DGKD: variants seen among roughly 807,000 people sequenced by gnomAD.
The protein encoded by DGKD is DAG kinase delta.
DGKD carries 68 observed loss-of-function variants against 154.4 expected under a neutral mutation model. That is an observed-to-expected ratio of 0.44 (90% CI 0.36 to 0.54). The LOEUF (loss-of-function observed/expected upper bound fraction) is 0.54. Among genes scored for constraint, DGKD ranks in the 20% least tolerant of loss-of-function variants. DGKD has a pLI of 0.00. For synonymous variants in DGKD, 693 were observed against 638.0 expected, an observed-to-expected ratio of 1.09 and a Z score of -1.30; for missense variants, 1,343 against 1,593.6, an observed-to-expected ratio of 0.84 and a Z score of 2.68.
intron 3 of DGKD, chr2:233,392,389 A>G (rs1245671778): frequency 1.3e-5 from 2 of 152,184 alleles, no homozygotes; most frequent in Admixed American, 1.3e-4. Flanking sequence ...TAAAAAAATT[A>G]TTCTTGGTAA....
chr2:233,456,795 C>T, intron 19 of DGKD, 104 bp from the exon 20 acceptor site: 3 of 821,546 alleles, frequency 3.7e-6, no homozygotes, highest in South Asian at 1.6e-5. Context: ...CTAAATGTAG[C>T]TGATTTGTGG....
intron 18 of DGKD, 183 bp from the exon 19 acceptor site, chr2:233,454,580 A>G (rs925568969): frequency 2.6e-5 from 15 of 580,846 alleles, no homozygotes; most frequent in African/African-American, 9.4e-5. Flanking sequence ...TATACTAAAA[A>G]TAATTGAATT....
intron 3 of DGKD, among the ~76,000 whole-genome samples, chr2:233,425,846 C>T (rs964879382): frequency 4.6e-5 from 7 of 152,136 alleles, no homozygotes; most frequent in Admixed American, 1.3e-4. Context: ...TAGTGAATGC[C>T]GCCACAAATA....
intron 24 of DGKD, 30 bp downstream of exon 24, chr2:233,460,375 G>A: frequency 6.2e-7 from 1 of 1,611,642 alleles, no homozygotes; most frequent in Non-Finnish European, 8.5e-7. Context: ...CGTTGCGCAT[G>A]AGCCTCCCCC....
intron 1 of DGKD, among the ~76,000 whole-genome samples, chr2:233,358,668 G>A (rs1180480092): frequency 1.3e-5 from 2 of 152,142 alleles, no homozygotes; most frequent in South Asian, 4.1e-4. Context: ...TATGTGGTCT[G>A]GCTTCTTTAA....
intron 3 of DGKD, among the ~76,000 whole-genome samples, chr2:233,398,813 T>G (rs1305679895): frequency 1.3e-5 from 2 of 151,980 alleles, no homozygotes; most frequent in Admixed American, 6.5e-5. Context: ...TTAGTAGAGA[T>G]GGGTTTCACC....
chr2:233,383,843 A>G (rs953935822), intron 1 of DGKD, among the ~76,000 whole-genome samples: 1 of 152,134 alleles, frequency 6.6e-6, no homozygotes, highest in Non-Finnish European at 1.5e-5. Context: ...ATAAGCAGAT[A>G]TTTACTTACG....
chr2:233,393,373 G>A (rs1272557141), intron 3 of DGKD, among the ~76,000 whole-genome samples: 2 of 127,728 alleles, frequency 1.6e-5, no homozygotes, highest in African/African-American at 6.1e-5. Flanking sequence ...GTCTTGCTCT[G>A]TTGCCCAGGC....
chr2:233,428,550 A>C (rs1237121767), intron 3 of DGKD, among the ~76,000 whole-genome samples: 26 of 152,216 alleles, frequency 1.7e-4, no homozygotes, highest in Admixed American at 1.7e-3. Context: ...GGCACCTCAC[A>C]ACAACAAGGC....
chr2:233,370,203 G>A (rs1030357229), intron 1 of DGKD, among the ~76,000 whole-genome samples: 1 of 151,824 alleles, frequency 6.6e-6, no homozygotes, highest in Non-Finnish European at 1.5e-5. Flanking sequence ...GCCTATTCTG[G>A]ATATTTCATT....
chr2:233,438,592 G>A lies in DGKD; in HGVS notation c.1085+213G>A, dbSNP rs951528861. On this transcript the variant is annotated intron_variant, in intron 9 of 29. Transcript: ENST00000264057. This position sits in a 1 kb window ranked among gnomAD's most constrained non-coding sequence, Gnocchi z 4.1. ...GAACACAGTGCGCGTGTGCACACACGTACATACATCCATGTACACACACCC... is the reference window on the plus strand; with the variant it reads ...GAACACAGTGCGCGTGTGCACACACATACATACATCCATGTACACACACCC... 2.0e-5 allele frequency among the ~76,000 whole-genome samples: 3 copies of A among 152,142 alleles called. No individual in the cohort carries two copies. Among genetic ancestry groups the A allele is most frequent in the Admixed American group, 6.5e-5 (1 of 15,276 alleles).
At chr2:233,384,267 T>C (rs1040680370) in intron 1 of DGKD, among the ~76,000 whole-genome samples, 5 of 152,202 alleles carry the variant, frequency 3.3e-5, no homozygotes, top group African/African-American at 1.2e-4. Flanking sequence ...ACCTCGCTGC[T>C]GCATTGGACA....
Position 233,448,099 on chromosome 2 carries a change from C to G in DGKD, c.1432C>G (p.Leu478Val), listed in dbSNP as rs766836405. 5 of 1,614,106 alleles carry G rather than the reference C, an allele frequency of 3.1e-6. No homozygotes were observed. The highest frequency in any genetic ancestry group is 4.2e-6 in the Non-Finnish European group (5 of 1,180,020). Reference sequence around the variant, plus strand: ...GGGGTGATTGCAGGTACAGCAGATTCTCTTCTATGAAGACTCGGTTGCAGC... The same window carrying G: ...GGGGTGATTGCAGGTACAGCAGATTGTCTTCTATGAAGACTCGGTTGCAGC... ...FSEDSEVQQI[L>V]FYEDSVAAHL... Residue 478 changes from leucine to valine, a missense_variant, in exon 13 of 30, where the codon CTC becomes GTC. This residue lies in a region of DGKD where 409 missense variants were observed against 446.0 expected (regional missense o/e 0.92). Coordinates refer to ENST00000264057, the MANE Select transcript of DGKD (RefSeq NM_152879.3).
intron 1 of DGKD, among the ~76,000 whole-genome samples, chr2:233,357,677 C>G (rs939868058): frequency 6.6e-5 from 10 of 151,872 alleles, no homozygotes; most frequent in African/African-American, 2.4e-4. Flanking sequence ...GCTGGGACTA[C>G]AGGCAAATGC....
In DGKD at chr2:233,441,858, A is replaced by G. The variant is rs1333881253; in HGVS notation, c.1086-29A>G. On this transcript the variant is annotated intron_variant, in intron 9 of 29. Coordinates refer to ENST00000264057, the MANE Select transcript of DGKD (RefSeq NM_152879.3). The surrounding 1 kb of genome is among the most constrained non-coding windows in gnomAD (Gnocchi z 5.6). ...TCATTTGTCCTGTGGAATGGATGTC[A>G]TTTCACGGCCTTTCTCTTTTCTCTG... The G allele has an allele frequency of 6.3e-6, 10 of 1,593,890 alleles. No homozygotes were observed. In the African/African-American group the frequency reaches 1.2e-4, roughly 19 times the overall value.
intron 1 of DGKD, among the ~76,000 whole-genome samples, chr2:233,362,064 C>G (rs930298033): frequency 6.6e-6 from 1 of 152,178 alleles, no homozygotes; most frequent in South Asian, 2.1e-4. Flanking sequence ...TCCCAAAGTG[C>G]TGGGATTACA....
At position 233,450,143 on chromosome 2, in the gene DGKD, T is replaced by A. The variant is rs760697112; in HGVS notation, c.2038+12T>A. On this transcript the variant is annotated intron_variant, in intron 16 of 29. Coordinates refer to ENST00000264057, the MANE Select transcript of DGKD (RefSeq NM_152879.3). ...GAGCCAGCGCAAAGGTACTTGTGCC[T>A]CCACCTCCCTCTGCGCACCGTCGTG... 1.9e-6 allele frequency: 3 copies of A among 1,599,700 alleles called. No homozygotes were observed. The highest frequency in any genetic ancestry group is 2.6e-6 in the Non-Finnish European group (3 of 1,171,492).
intron 11 of DGKD, among the ~76,000 whole-genome samples, chr2:233,446,213 C>T (rs183948655): frequency 1.9e-4 from 29 of 152,364 alleles, no homozygotes; most frequent in East Asian, 5.8e-4. Flanking sequence ...ACTGTTGTCC[C>T]GAGTGACACA....
At chr2:233,400,100 T>A (rs1478261849) in intron 3 of DGKD, among the ~76,000 whole-genome samples, 1 of 152,232 alleles carries the variant, frequency 6.6e-6, no homozygotes, top group South Asian at 2.1e-4. Context: ...AGTGTTTTGG[T>A]ATTGCTGGCC....
Sources: allele counts gnomAD v4.1 joint callset (sites outside exome capture counted in the v4.1 genomes callset), GRCh38; gene constraint gnomAD v4.1.1; regional missense constraint gnomAD v4.1.1; non-coding constraint Gnocchi (gnomAD v3.1); transcripts MANE v1.5; gene names NCBI Gene and HGNC (gene_info 2026-07-23, HGNC 2026-07-21).